Variants in RILPL1 observed in about 807,000 individuals in gnomAD.
RILPL1 encodes the protein RILP-like protein 1.
A neutral mutation model predicts 50.3 loss-of-function variants in RILPL1; 33 were observed. The ratio of observed to expected loss-of-function variants is 0.66; its 90% CI spans 0.50 to 0.88. The LOEUF (loss-of-function observed/expected upper bound fraction) is 0.88, where lower values mean the gene tolerates loss of function less well. Ranked by LOEUF, RILPL1 falls within the 40% of genes least tolerant of loss-of-function variation. RILPL1 has a pLI of 0.00. For missense variants in RILPL1, 418 were observed against 542.5 expected, an observed-to-expected ratio of 0.77 and a Z score of 2.28; for synonymous variants, 205 against 228.6, an observed-to-expected ratio of 0.90 and a Z score of 0.93.
chr12:123,521,668 TATAA>T (rs1331264437), intron 2 of RILPL1, among the ~76,000 whole-genome samples: 1 of 8,638 alleles, frequency 1.2e-4, no homozygotes, highest in Non-Finnish European at 2.3e-4. Context: ...TATGTATATA[TATAA>T]ATATATATAT....
chr12:123,498,851 T>C lies in RILPL1; in HGVS notation c.580-86A>G, dbSNP rs1446537332. 1.6e-6 allele frequency: 2 copies of C among 1,266,262 alleles called. No individual in the cohort carries two copies. Among genetic ancestry groups the C allele is most frequent in the African/African-American group, 2.9e-5 (2 of 68,252 alleles). The allele number at this position is 1,266,262 out of a possible 1,614,324, so 78.4% of individuals were successfully genotyped here. On this transcript the variant is annotated intron_variant, in intron 3 of 6. Transcript: ENST00000376874. The surrounding 1 kb of genome is among the most constrained non-coding windows in gnomAD (Gnocchi z 4.3). ...TGCACAACGGCAAACCATCCATAGG[T>C]GTGCCATTTACATTGCAGACATCTT... is the stretch of plus-strand genomic sequence containing the variant.
At chr12:123,512,085 GGTGT>G (rs200571589) in intron 2 of RILPL1, among the ~76,000 whole-genome samples, 2 of 105,704 alleles carry the variant, frequency 1.9e-5, no homozygotes, top group Non-Finnish European at 3.9e-5. Context: ...GTGTGTGTGT[GGTGT>G]GTGTGAGGTC....
intron 1 of RILPL1, among the ~76,000 whole-genome samples, chr12:123,529,752 T>TA (rs1218380769): frequency 6.6e-6 from 1 of 151,702 alleles, no homozygotes; most frequent in Non-Finnish European, 1.5e-5. Context: ...AGTGTGCCTG[T>TA]AGTCTTAGCT....
At chr12:123,496,597 G>A (rs13303200) in intron 4 of RILPL1, among the ~76,000 whole-genome samples, 33,181 of 152,098 alleles carry the variant, frequency 0.22, 3,864 homozygotes, top group African/African-American at 0.27. Context: ...TTCTGAAACA[G>A]CATCTCCATT....
chr12:123,475,454 G>A (rs1296053822), intron 6 of RILPL1: 3 of 574,742 alleles, frequency 5.2e-6, no homozygotes, highest in Non-Finnish European at 9.4e-6. Context: ...CGGTGACAGA[G>A]CCGAGAATTC....
intron 4 of RILPL1, among the ~76,000 whole-genome samples, chr12:123,492,213 C>CA (rs890235450): frequency 5.7e-5 from 6 of 105,394 alleles, no homozygotes; most frequent in South Asian, 5.7e-4. Flanking sequence ...GACCCTGTCT[C>CA]AAAAAAAAAG....
At chr12:123,524,550 G>A (rs901834493) in intron 1 of RILPL1, among the ~76,000 whole-genome samples, 7 of 152,104 alleles carry the variant, frequency 4.6e-5, no homozygotes, top group African/African-American at 1.7e-4. Context: ...GCTGATGAAT[G>A]GGTAAATAAA....
chr12:123,498,491 C>T lies in RILPL1; in HGVS notation c.801+53G>A. ...CAAGGCAACCCTGCCTGCCTTAAGC[C>T]AACCCCCAGACTGACCCTCTGCTAC... On this transcript the variant is annotated intron_variant, in intron 4 of 6. Coordinates refer to ENST00000376874, the MANE Select transcript of RILPL1 (RefSeq NM_178314.5). This position sits in a 1 kb window ranked among gnomAD's most constrained non-coding sequence, Gnocchi z 4.3. 6.4e-7 allele frequency: 1 copy of T among 1,550,734 alleles called. No homozygotes were observed. Among genetic ancestry groups the T allele is most frequent in the South Asian group, 1.1e-5 (1 of 89,564 alleles).
intron 2 of RILPL1, among the ~76,000 whole-genome samples, chr12:123,511,955 G>T (rs201244012): frequency 2.1e-4 from 22 of 106,518 alleles, no homozygotes; most frequent in Non-Finnish European, 3.1e-4. Context: ...TGTGTGTGTG[G>T]TGTGAGATCT....
At chr12:123,529,802 T>C (rs1011732749) in intron 1 of RILPL1, among the ~76,000 whole-genome samples, 1 of 148,294 alleles carries the variant, frequency 6.7e-6, no homozygotes. Flanking sequence ...TGAATCCAGG[T>C]GTTCAGGGCT....
At chr12:123,532,876 C>T (rs1156975488) in intron 1 of RILPL1, among the ~76,000 whole-genome samples, 1 of 152,086 alleles carries the variant, frequency 6.6e-6, no homozygotes, top group African/African-American at 2.4e-5. Flanking sequence ...TACCATTTGA[C>T]AGGTGAGGAA....
chr12:123,524,799 T>G (rs1417119998), intron 1 of RILPL1, among the ~76,000 whole-genome samples: 1 of 152,230 alleles, frequency 6.6e-6, no homozygotes, highest in Non-Finnish European at 1.5e-5. Context: ...TGACTGGGAA[T>G]AGGTACGGAG....
At chr12:123,521,800 T>A (rs1377917478) in intron 2 of RILPL1, among the ~76,000 whole-genome samples, 2 of 150,446 alleles carry the variant, frequency 1.3e-5, no homozygotes, top group African/African-American at 2.4e-5. Context: ...TGAGACATAG[T>A]CTTGCTCTGT....
At chr12:123,509,580 A>G (rs957537276) in intron 2 of RILPL1, among the ~76,000 whole-genome samples, 6 of 151,386 alleles carry the variant, frequency 4.0e-5, no homozygotes, top group Non-Finnish European at 8.9e-5. Context: ...AAAAAAAAAA[A>G]GAAGGAAATC....
At chr12:123,481,430 G>T (rs1881993376) in intron 6 of RILPL1, among the ~76,000 whole-genome samples, 1 of 152,080 alleles carries the variant, frequency 6.6e-6, no homozygotes, top group Admixed American at 6.6e-5. Flanking sequence ...CCTCAGGCTG[G>T]ACTGGACACC....
At chr12:123,501,133 AAAAAT>A (rs1005594661) in intron 2 of RILPL1, among the ~76,000 whole-genome samples, 8 of 151,858 alleles carry the variant, frequency 5.3e-5, no homozygotes, top group Non-Finnish European at 1.2e-4. Flanking sequence ...AATAAAATTT[AAAAAT>A]AAAATAAAAT....
At chr12:123,493,341 A>G (rs1050281805) in intron 4 of RILPL1, among the ~76,000 whole-genome samples, 7 of 152,264 alleles carry the variant, frequency 4.6e-5, no homozygotes, top group Non-Finnish European at 7.4e-5. Context: ...CCCTCTCCCC[A>G]CTATTGTCTT....
chr12:123,515,760 C>T (rs1298166884), intron 2 of RILPL1, among the ~76,000 whole-genome samples: 4 of 149,210 alleles, frequency 2.7e-5, no homozygotes, highest in Non-Finnish European at 5.9e-5. Flanking sequence ...CCAGGCTGGG[C>T]GTGGTGGCTC....
At chr12:123,526,904 G>A (rs545935584) in intron 1 of RILPL1, among the ~76,000 whole-genome samples, 9 of 152,258 alleles carry the variant, frequency 5.9e-5, no homozygotes, top group Middle Eastern at 3.4e-3. Context: ...GGGCTCACAC[G>A]GGGCTCAGAG....
Sources: allele counts gnomAD v4.1 joint callset (sites outside exome capture counted in the v4.1 genomes callset), GRCh38; gene constraint gnomAD v4.1.1; non-coding constraint Gnocchi (gnomAD v3.1); transcripts MANE v1.5; gene names NCBI Gene and HGNC (gene_info 2026-07-23, HGNC 2026-07-21).